HERC4: variants seen among roughly 807,000 people sequenced by gnomAD.
HERC4 encodes probable E3 ubiquitin-protein ligase HERC4.
HERC4 carries 28 observed loss-of-function variants against 124.3 expected under a neutral mutation model. The ratio of observed to expected loss-of-function variants is 0.23; its 90% CI spans 0.17 to 0.31. The LOEUF is 0.31. Ranked by LOEUF, HERC4 falls within the 10% of genes least tolerant of loss-of-function variation. The pLI is 1.00. For synonymous variants in HERC4, 407 were observed against 421.5 expected (o/e 0.97, Z 0.42); for missense variants, 713 against 1,229.3 (o/e 0.58, Z 6.28).
chr10:67,950,456 A>G (rs1430911022), intron 19 of HERC4, among the ~76,000 whole-genome samples: 2 of 151,978 alleles, frequency 1.3e-5, no homozygotes, highest in African/African-American at 2.4e-5. Flanking sequence ...TTGTATTTTT[A>G]GTAGAGACAG....
rs569310573 is a variant in HERC4, at chr10:68,074,992, C to A, written c.-109+152G>T. On this transcript the variant is annotated intron_variant, in intron 1 of 24. Transcript: ENST00000373700. ...AAGCCCAAGGTGACGGGGGGCGGCC[C>A]CTGCCCAGAGAGCAAGGCAGCGCGG... 539 of 152,734 alleles carry A rather than the reference C, an allele frequency of 3.5e-3. 6 individuals carry two copies. The South Asian group carries it at 0.04, about 11-fold the overall frequency. 9.5% of individuals were successfully genotyped at this position (152,734 alleles called of 1,614,324 possible).
At chr10:67,955,180 C>T in intron 17 of HERC4, 50 bp from the exon 18 acceptor site, 1 of 1,511,486 alleles carries the variant, frequency 6.6e-7, no homozygotes, top group South Asian at 1.2e-5. Context: ...AATAAAGCTA[C>T]TGTGACTGAA....
At chr10:68,023,716 A>T (rs1357872931) in intron 8 of HERC4, among the ~76,000 whole-genome samples, 1 of 152,104 alleles carries the variant, frequency 6.6e-6, no homozygotes, top group African/African-American at 2.4e-5. Context: ...TGTTGTATGT[A>T]TTTCCCACAA....
At chr10:67,962,797 T>G (rs1048021958) in intron 16 of HERC4, among the ~76,000 whole-genome samples, 1 of 152,044 alleles carries the variant, frequency 6.6e-6, no homozygotes. Context: ...ATAGTGCACA[T>G]AGAGAAAGGC....
chr10:68,053,224 T>A (rs985223549), intron 3 of HERC4, among the ~76,000 whole-genome samples: 1 of 152,186 alleles, frequency 6.6e-6, no homozygotes. Context: ...GGTCAGAACA[T>A]TTTTGTCAAC....
chr10:67,995,637 T>C (rs896261923), intron 9 of HERC4, among the ~76,000 whole-genome samples: 1 of 152,138 alleles, frequency 6.6e-6, no homozygotes, highest in Non-Finnish European at 1.5e-5. Flanking sequence ...TTGTAATTGC[T>C]ACAAATATTT....
rs1212547509 is a variant in HERC4, at chr10:67,927,413, TATATATATATATATA to T, written c.2839-2241_2839-2227del. 8.7e-3 allele frequency among the ~76,000 whole-genome samples: 113 copies of T among 12,988 alleles called. 3 individuals carry two copies. Among genetic ancestry groups the T allele is most frequent in the African/African-American group, 0.015 (75 of 4,998 alleles). 8.5% of individuals were successfully genotyped at this position (12,988 alleles called of 152,430 possible). On this transcript the variant is annotated intron_variant, in intron 23 of 24. Transcript: ENST00000373700. ...ATATATATATATATATATATATATATATATATATATATATATATTTTTTTTTTTTTTTAGATAGAG... is the reference window on the plus strand; with the variant it reads ...ATATATATATATATATATATATATATTATTTTTTTTTTTTTTTAGATAGAG...
At chr10:67,933,766 A>T (rs530472044) in intron 22 of HERC4, among the ~76,000 whole-genome samples, 13 of 152,354 alleles carry the variant, frequency 8.5e-5, no homozygotes, top group Admixed American at 3.3e-4. Flanking sequence ...TACATGTGCT[A>T]GTTCTTATTC....
intron 3 of HERC4, among the ~76,000 whole-genome samples, chr10:68,061,879 TAAAAAAAAAAAAAAA>T (rs71470503): frequency 1.8e-5 from 1 of 54,888 alleles, no homozygotes; most frequent in Admixed American, 3.0e-4. Flanking sequence ...AGACTCCATT[TAAAAAAAAAAAAAAA>T]AAAAAAAAAA....
chr10:68,001,207 CA>C (rs971565068), intron 9 of HERC4, among the ~76,000 whole-genome samples: 1 of 151,560 alleles, frequency 6.6e-6, no homozygotes, highest in African/African-American at 2.4e-5. Context: ...CCCGTCTCTA[CA>C]AAAAAATTTA....
intron 9 of HERC4, chr10:68,010,806 T>A (rs1429076804): frequency 1.3e-5 from 20 of 1,526,026 alleles, no homozygotes; most frequent in Non-Finnish European, 1.6e-5. Flanking sequence ...TATCCCAGGG[T>A]GATCCTCTTC....
intron 7 of HERC4, among the ~76,000 whole-genome samples, chr10:68,026,118 C>T (rs984920706): frequency 4.6e-5 from 7 of 152,096 alleles, no homozygotes; most frequent in Non-Finnish European, 8.8e-5. Flanking sequence ...TTTTTTCAGA[C>T]AGGGTCTTGC....
intron 1 of HERC4, chr10:68,074,239 A>C (rs1232286794): frequency 6.6e-6 from 1 of 152,208 alleles, no homozygotes; most frequent in Non-Finnish European, 1.5e-5. Context: ...TAAATATCAT[A>C]ATTACAGGAA....
chr10:68,011,978 G>A (rs559246892), intron 9 of HERC4, among the ~76,000 whole-genome samples: 1 of 152,326 alleles, frequency 6.6e-6, no homozygotes, highest in South Asian at 2.1e-4. Context: ...TAGACAACTT[G>A]CTGTAGCATA....
At chr10:67,924,950 A>AC (rs2030713135) in intron 24 of HERC4, 135 bp downstream of exon 24, 1 of 494,704 alleles carries the variant, frequency 2.0e-6, no homozygotes, top group Non-Finnish European at 3.6e-6. Flanking sequence ...CCTTTGAAAT[A>AC]AGAAAATACA....
intron 23 of HERC4, among the ~76,000 whole-genome samples, chr10:67,925,669 G>C (rs2131952567): frequency 6.6e-6 from 1 of 152,104 alleles, no homozygotes; most frequent in East Asian, 1.9e-4. Context: ...TGTGTATAAG[G>C]ATACTGTGAA....
intron 22 of HERC4, among the ~76,000 whole-genome samples, chr10:67,935,866 G>A (rs2032313795): frequency 6.6e-6 from 1 of 152,108 alleles, no homozygotes; most frequent in African/African-American, 2.4e-5. Flanking sequence ...AGCTGGCTTC[G>A]TGACTCCTCT....
intron 3 of HERC4, among the ~76,000 whole-genome samples, chr10:68,072,057 A>C (rs1390085011): frequency 6.6e-6 from 1 of 152,234 alleles, no homozygotes; most frequent in African/African-American, 2.4e-5. Flanking sequence ...CTGAAGTGCC[A>C]TTATTGTTAC....
At chr10:68,052,283 A>G (rs939690582) in intron 3 of HERC4, among the ~76,000 whole-genome samples, 4 of 152,338 alleles carry the variant, frequency 2.6e-5, no homozygotes, top group East Asian at 1.9e-4. Context: ...TTACACTTCT[A>G]TAATTAATCA....
Sources: allele counts gnomAD v4.1 joint callset (sites outside exome capture counted in the v4.1 genomes callset), GRCh38; gene constraint gnomAD v4.1.1; transcripts MANE v1.5; gene names NCBI Gene and HGNC (gene_info 2026-07-23, HGNC 2026-07-21).